EDC3: variants seen among roughly 807,000 people sequenced by gnomAD.
The protein encoded by EDC3 is enhancer of mRNA decapping 3.
EDC3 carries 20 observed loss-of-function variants against 41.8 expected under a neutral mutation model. The ratio of observed to expected loss-of-function variants is 0.48; its 90% CI spans 0.34 to 0.70. EDC3 has a LOEUF of 0.70. Ranked by LOEUF, EDC3 falls within the 30% of genes least tolerant of loss-of-function variation. EDC3 has a pLI of 0.01. For synonymous variants in EDC3, 206 were observed against 243.2 expected (o/e 0.85, Z 1.42); for missense variants, 444 against 636.8 (o/e 0.70, Z 3.26).
chr15:74,686,111 G>A (rs557814621), intron 1 of EDC3, among the ~76,000 whole-genome samples: 16 of 152,164 alleles, frequency 1.1e-4, no homozygotes, highest in African/African-American at 3.4e-4. Flanking sequence ...TGGATCACAA[G>A]GTCAGGAGTT....
At chr15:74,647,167 G>A (rs983557645) in intron 4 of EDC3, among the ~76,000 whole-genome samples, 4 of 152,028 alleles carry the variant, frequency 2.6e-5, no homozygotes, top group African/African-American at 4.8e-5. Flanking sequence ...GTGCCACCAC[G>A]GATAGCTAAT....
intron 4 of EDC3, chr15:74,640,840 G>T: frequency 1.7e-6 from 1 of 573,262 alleles, no homozygotes; most frequent in Non-Finnish European, 3.0e-6. Context: ...ACCACAGAGT[G>T]GGGACAAACT....
Position 74,693,175 on chromosome 15 carries a change from T to C in EDC3, c.-19+2705A>G, listed in dbSNP as rs116047278. 3.7e-3 allele frequency among the ~76,000 whole-genome samples: 557 copies of C among 152,368 alleles called. 4 individuals carry two copies. Among genetic ancestry groups the C allele is most frequent in the African/African-American group, 0.013 (536 of 41,590 alleles). ...ACCAGTGATGCAACCTTTCTCATTC[T>C]AGATTTTGCATTTTCCTGATACAAT... On this transcript the variant is annotated intron_variant, in intron 1 of 6. Coordinates refer to ENST00000315127, the MANE Select transcript of EDC3 (RefSeq NM_025083.5).
intron 2 of EDC3, among the ~76,000 whole-genome samples, chr15:74,672,663 T>C (rs1197433786): frequency 6.6e-6 from 1 of 151,742 alleles, no homozygotes; most frequent in Non-Finnish European, 1.5e-5. Context: ...TAAATAGAAA[T>C]GATTAGTCGG....
chr15:74,656,514 A>G (rs2062550476), intron 3 of EDC3, among the ~76,000 whole-genome samples: 1 of 152,228 alleles, frequency 6.6e-6, no homozygotes, highest in Non-Finnish European at 1.5e-5. Context: ...AATCTTAACC[A>G]GTTATCCCCT....
chr15:74,633,026 C>A, intron 6 of EDC3, 80 bp from the exon 7 acceptor site: 1 of 1,427,420 alleles, frequency 7.0e-7, no homozygotes, highest in East Asian at 2.4e-5. Flanking sequence ...CAGGTCACCC[C>A]AAGGGTGTCT....
chr15:74,689,443 ATGT>A (rs1332918610), intron 1 of EDC3, among the ~76,000 whole-genome samples: 1 of 152,130 alleles, frequency 6.6e-6, no homozygotes, highest in Non-Finnish European at 1.5e-5. Flanking sequence ...GAATTCAGAG[ATGT>A]TGTGAATTAC....
At chr15:74,643,401 C>T (rs1205303197) in intron 4 of EDC3, 4 of 152,128 alleles carry the variant, frequency 2.6e-5, no homozygotes, top group East Asian at 3.8e-4. Context: ...ATAACCAGAT[C>T]GTGACAAGCA....
chr15:74,634,504 C>G (rs1023662440), intron 6 of EDC3, among the ~76,000 whole-genome samples: 2 of 152,182 alleles, frequency 1.3e-5, no homozygotes, highest in Admixed American at 1.3e-4. Flanking sequence ...CGTTCCCTAT[C>G]AACATTTCCA....
chr15:74,690,493 C>T, intron 1 of EDC3, among the ~76,000 whole-genome samples: 1 of 152,220 alleles, frequency 6.6e-6, no homozygotes, highest in East Asian at 1.9e-4. Context: ...CAACTCACAG[C>T]ATTCAGATCC....
At chr15:74,690,403 C>CT (rs35829783) in intron 1 of EDC3, among the ~76,000 whole-genome samples, 46,714 of 152,014 alleles carry the variant, frequency 0.31, 9,723 homozygotes, top group African/African-American at 0.54. Context: ...ACTAAGGCAG[C>CT]GCCCAAATGA....
intron 1 of EDC3, chr15:74,676,937 A>G (rs2062812281): frequency 6.6e-6 from 1 of 152,216 alleles, no homozygotes; most frequent in Non-Finnish European, 1.5e-5. Flanking sequence ...ATGCCACTAC[A>G]CACCTGTCAG....
At chr15:74,688,642 A>G (rs962260040) in intron 1 of EDC3, among the ~76,000 whole-genome samples, 11 of 152,238 alleles carry the variant, frequency 7.2e-5, no homozygotes, top group Non-Finnish European at 1.5e-4. Flanking sequence ...ATGGTGGCTC[A>G]TGCCTGTAAT....
At chr15:74,648,934 T>A (rs1284623034) in intron 4 of EDC3, among the ~76,000 whole-genome samples, 2 of 152,160 alleles carry the variant, frequency 1.3e-5, no homozygotes, top group African/African-American at 4.8e-5. Flanking sequence ...TCATTTTTTT[T>A]AAACGTTGAG....
chr15:74,685,990 C>T (rs1047494847), intron 1 of EDC3, among the ~76,000 whole-genome samples: 1 of 151,990 alleles, frequency 6.6e-6, no homozygotes, highest in African/African-American at 2.4e-5. Context: ...GTCAGGAGTT[C>T]GAGACCAGCC....
intron 3 of EDC3, among the ~76,000 whole-genome samples, chr15:74,669,472 A>G (rs1447231432): frequency 6.6e-6 from 1 of 151,470 alleles, no homozygotes; most frequent in East Asian, 1.9e-4. Context: ...AGATCACACC[A>G]CTGCACTCCA....
chr15:74,687,478 G>A lies in EDC3; in HGVS notation c.-19+8402C>T, dbSNP rs1051905544. Among the ~76,000 whole-genome samples the A allele has an allele frequency of 4.9e-4, 74 of 152,192 alleles. 1 individual carries two copies. Among genetic ancestry groups the A allele is most frequent in the African/African-American group, 1.7e-3 (70 of 41,550 alleles). ...AACTTCTGCCTCCCAGGTTCAATCAGGCAATTCTCCTTCCTCAGCCTCCTG... is the reference window on the plus strand; with the variant it reads ...AACTTCTGCCTCCCAGGTTCAATCAAGCAATTCTCCTTCCTCAGCCTCCTG... On this transcript the variant is annotated intron_variant, in intron 1 of 6. Coordinates refer to ENST00000315127, the MANE Select transcript of EDC3 (RefSeq NM_025083.5).
At chr15:74,651,501 T>C (rs568586329) in intron 4 of EDC3, among the ~76,000 whole-genome samples, 28 of 152,306 alleles carry the variant, frequency 1.8e-4, no homozygotes, top group African/African-American at 6.0e-4. Flanking sequence ...GTATGAGCAA[T>C]TAGTGAATAA....
At chr15:74,682,137 C>A (rs990432157) in intron 1 of EDC3, among the ~76,000 whole-genome samples, 1 of 152,118 alleles carries the variant, frequency 6.6e-6, no homozygotes, top group African/African-American at 2.4e-5. Flanking sequence ...TGGAAAACAT[C>A]CTGGCAGGTT....
Sources: gnomAD v4.1 joint callset for allele counts (sites outside exome capture counted in the v4.1 genomes callset) on GRCh38, gnomAD v4.1.1 for gene constraint, MANE v1.5 for transcripts, NCBI Gene and HGNC (gene_info 2026-07-23, HGNC 2026-07-21) for gene names.